Variants in PDE10A observed in about 807,000 individuals in gnomAD.
The protein encoded by PDE10A is phosphodiesterase 10A, also known as cAMP and cAMP-inhibited cGMP 3',5'-cyclic phosphodiesterase 10A.
PDE10A carries 39 observed loss-of-function variants against 97.7 expected under a neutral mutation model. That is an observed-to-expected ratio of 0.40 (90% CI 0.31 to 0.52). The LOEUF (loss-of-function observed/expected upper bound fraction) is 0.52. PDE10A is among the 20% of genes least tolerant of loss of function. The probability of loss-of-function intolerance (pLI) is 0.56; values close to 1 mark genes in which losing one functional copy is unlikely to be tolerated. For synonymous variants in PDE10A, 371 were observed against 376.8 expected (o/e 0.98, Z 0.18); for missense variants, 731 against 1,047.8 (o/e 0.70, Z 4.17).
intron 1 of PDE10A, among the ~76,000 whole-genome samples, chr6:165,749,160 C>A (rs370716453): frequency 2.0e-4 from 1 of 4,988 alleles, no homozygotes; most frequent in African/African-American, 4.9e-4. Flanking sequence ...ATAGCTATCA[C>A]CATCATCACC....
intron 1 of PDE10A, among the ~76,000 whole-genome samples, chr6:165,577,047 T>A (rs1019139527): frequency 6.6e-6 from 1 of 152,200 alleles, no homozygotes; most frequent in Non-Finnish European, 1.5e-5. Flanking sequence ...ACAAAGTCCA[T>A]TAGCAAAGTG....
At chr6:165,564,032 T>C (rs1259821640) in intron 1 of PDE10A, among the ~76,000 whole-genome samples, 1 of 152,204 alleles carries the variant, frequency 6.6e-6, no homozygotes, top group Non-Finnish European at 1.5e-5. Flanking sequence ...GAATAAACTA[T>C]TATTTGTGAT....
At chr6:165,759,734 G>A (rs909283441) in intron 1 of PDE10A, among the ~76,000 whole-genome samples, 1 of 152,196 alleles carries the variant, frequency 6.6e-6, no homozygotes, top group Admixed American at 6.5e-5. Context: ...CTAAAGGTGA[G>A]CTAATCCAAC....
intron 1 of PDE10A, among the ~76,000 whole-genome samples, chr6:165,840,523 C>T (rs1780230699): frequency 6.6e-6 from 1 of 152,138 alleles, no homozygotes; most frequent in Admixed American, 6.5e-5. Context: ...TTGCACATGA[C>T]TGGGCACTTG....
chr6:165,539,517 CTTCT>C (rs1783295513), intron 2 of PDE10A, among the ~76,000 whole-genome samples: 1 of 152,326 alleles, frequency 6.6e-6, no homozygotes, highest in Non-Finnish European at 1.5e-5. Flanking sequence ...CAACTCCTTC[CTTCT>C]ATTTGTAGAC....
At chr6:165,814,458 TTTTTTTTCTTTCTTTC>T (rs1477634864) in intron 1 of PDE10A, among the ~76,000 whole-genome samples, 3 of 151,160 alleles carry the variant, frequency 2.0e-5, no homozygotes, top group Admixed American at 6.6e-5. Context: ...TAAAGGTATT[TTTTTTTTCTTTCTTTC>T]TCCACTCAGA....
intron 1 of PDE10A, among the ~76,000 whole-genome samples, chr6:165,672,972 T>G (rs1790689637): frequency 6.6e-6 from 1 of 152,164 alleles, no homozygotes; most frequent in South Asian, 2.1e-4. Context: ...TGCCAGTCCT[T>G]TTTGGTTGTA....
chr6:165,600,971 A>G (rs528934319), intron 1 of PDE10A, among the ~76,000 whole-genome samples: 94 of 152,340 alleles, frequency 6.2e-4, no homozygotes, highest in African/African-American at 2.2e-3. Flanking sequence ...AAAGGTTTAA[A>G]TATGTTACAT....
chr6:165,423,725 T>G (rs1240288748), intron 10 of PDE10A, among the ~76,000 whole-genome samples: 2 of 151,378 alleles, frequency 1.3e-5, no homozygotes, highest in Admixed American at 1.3e-4. Context: ...ATTAAGCAGG[T>G]GTGGTGGCGC....
intron 1 of PDE10A, among the ~76,000 whole-genome samples, chr6:165,554,831 A>G (rs1456269142): frequency 6.6e-6 from 1 of 152,244 alleles, no homozygotes; most frequent in Non-Finnish European, 1.5e-5. Flanking sequence ...AGTACTATTC[A>G]GCCATAAAAA....
At chr6:165,683,919 C>T (rs1562682934) in intron 1 of PDE10A, among the ~76,000 whole-genome samples, 1 of 152,212 alleles carries the variant, frequency 6.6e-6, no homozygotes. Context: ...GTTCTGGCCA[C>T]ACCACCTCCT....
chr6:165,832,371 C>T (rs1409137731), intron 1 of PDE10A, among the ~76,000 whole-genome samples: 2 of 150,616 alleles, frequency 1.3e-5, no homozygotes, highest in Non-Finnish European at 2.9e-5. Flanking sequence ...ACTACCTTGT[C>T]GAAGTTTATA....
At chr6:165,883,970 G>A (rs746926938) in intron 1 of PDE10A, among the ~76,000 whole-genome samples, 1 of 152,140 alleles carries the variant, frequency 6.6e-6, no homozygotes, top group Non-Finnish European at 1.5e-5. Flanking sequence ...CAGGTATGCC[G>A]ACTCCGGAGA....
intron 1 of PDE10A, among the ~76,000 whole-genome samples, chr6:165,688,400 AC>A (rs1350832727): frequency 6.6e-6 from 1 of 152,146 alleles, no homozygotes; most frequent in Non-Finnish European, 1.5e-5. Flanking sequence ...CTAATATTGG[AC>A]CGGTACTGAA....
In PDE10A at chr6:165,954,383, T is replaced by A. The variant is rs559572853; in HGVS notation, c.-615+33146A>T. Among the ~76,000 whole-genome samples, 6 of 152,310 alleles carry A rather than the reference T, an allele frequency of 3.9e-5. No homozygotes were observed. In the South Asian group the frequency reaches 1.2e-3, roughly 32 times the overall value. ...TGGTGGCTGCATAATAACTGCTACA[T>A]GTCTTAAAGATCACACACACTCACA... is the stretch of plus-strand genomic sequence containing the variant. On this transcript the variant is annotated intron_variant, in intron 1 of 19. Transcript: ENST00000366882.
At chr6:165,434,475 T>G (rs1019366424) in intron 6 of PDE10A, among the ~76,000 whole-genome samples, 1 of 152,198 alleles carries the variant, frequency 6.6e-6, no homozygotes, top group Non-Finnish European at 1.5e-5. Flanking sequence ...AATGTCCACA[T>G]GTACTGTGGA....
rs534644134 is a variant in PDE10A at position 165,749,290 on chromosome 6, C to A, written c.-614-205722G>T. Among the ~76,000 whole-genome samples the A allele has an allele frequency of 4.2e-3, 263 of 62,218 alleles. 2 individuals carry two copies. The South Asian group carries it at 0.11, about 27-fold the overall frequency. 40.8% of individuals were successfully genotyped at this position (62,218 alleles called of 152,430 possible). A position where few individuals can be genotyped will look rare whatever the true frequency, so the allele number is the denominator to read the frequency against. On this transcript the variant is annotated intron_variant, in intron 1 of 19. Coordinates refer to the PDE10A transcript ENST00000366882. ...ACCATCATCACCATTACCATCATCA[C>A]CATCACCATCATCACCATCACCATC...
chr6:165,596,538 G>A (rs915241334), intron 1 of PDE10A, among the ~76,000 whole-genome samples: 2 of 152,128 alleles, frequency 1.3e-5, no homozygotes, highest in Non-Finnish European at 2.9e-5. Context: ...AGACCATGCT[G>A]GGCAACATAG....
rs527405693 is a variant in PDE10A at position 165,655,583 on chromosome 6, C to T, written c.865+6364G>A. Among the ~76,000 whole-genome samples, 1 of 152,242 alleles carries T rather than the reference C, an allele frequency of 6.6e-6. No individual in the cohort carries two copies. The highest frequency in any genetic ancestry group is 2.1e-4 in the South Asian group (1 of 4,820). The stretch of plus-strand genomic sequence containing the variant: ...CGGCATTTTGCTTCTACCATCATCG[C>T]CGTGATCCAAGTTACCATTGCTCTT... On this transcript the variant is annotated intron_variant, in intron 1 of 21. Coordinates refer to ENST00000539869, the MANE Select transcript of PDE10A (RefSeq NM_001385079.1). This position sits in a 1 kb window ranked among gnomAD's most constrained non-coding sequence, Gnocchi z 4.5.
Sources: gnomAD v4.1 joint callset for allele counts (sites outside exome capture counted in the v4.1 genomes callset) on GRCh38, gnomAD v4.1.1 for gene constraint, Gnocchi (gnomAD v3.1) non-coding constraint, MANE v1.5 for transcripts, NCBI Gene and HGNC (gene_info 2026-07-23, HGNC 2026-07-21) for gene names.